PLXNA4: variants seen among roughly 807,000 people sequenced by gnomAD.
PLXNA4 encodes plexin-A4.
Under a neutral mutation model 191.8 loss-of-function variants are expected in PLXNA4, and 44 were observed. That is an observed-to-expected ratio of 0.23 (90% confidence interval 0.18 to 0.29). PLXNA4 has a LOEUF of 0.29. Ranked by LOEUF, PLXNA4 falls within the 10% of genes least tolerant of loss-of-function variation. PLXNA4 has a pLI of 1.00. For synonymous variants in PLXNA4, 1,082 were observed against 1,009.5 expected, an observed-to-expected ratio of 1.07 and a Z score of -1.36; for missense variants, 1,800 against 2,488.8, an observed-to-expected ratio of 0.72 and a Z score of 5.89.
chr7:132,205,827 A>G (rs1797598607), intron 10 of PLXNA4, among the ~76,000 whole-genome samples: 1 of 152,176 alleles, frequency 6.6e-6, no homozygotes, highest in African/African-American at 2.4e-5. Context: ...CCAAGACACA[A>G]AGTAGAAGCA....
At chr7:132,530,456 T>C (rs114770870) in intron 1 of PLXNA4, among the ~76,000 whole-genome samples, 5,208 of 152,252 alleles carry the variant, frequency 0.034, 231 homozygotes, top group African/African-American at 0.1. Flanking sequence ...CTTAAAGAGA[T>C]GTTTCTCCAA....
At chr7:132,469,002 G>A (rs1316267475) in intron 3 of PLXNA4, among the ~76,000 whole-genome samples, 1 of 151,170 alleles carries the variant, frequency 6.6e-6, no homozygotes, top group Admixed American at 6.6e-5. Flanking sequence ...GACCTGAGAT[G>A]TTAGTACCAA....
At chr7:132,491,684 T>TA (rs1280695965) in intron 2 of PLXNA4, among the ~76,000 whole-genome samples, 2 of 151,402 alleles carry the variant, frequency 1.3e-5, no homozygotes, top group African/African-American at 4.9e-5. Flanking sequence ...CTCATGCCTG[T>TA]AATCCCGCCA....
At chr7:132,563,691 C>CCT (rs1801509056) in intron 1 of PLXNA4, among the ~76,000 whole-genome samples, 1 of 120,626 alleles carries the variant, frequency 8.3e-6, no homozygotes, top group Non-Finnish European at 1.8e-5. Context: ...TCCTCCTCCT[C>CCT]CTCCTTCTCC....
intron 14 of PLXNA4, among the ~76,000 whole-genome samples, chr7:132,188,536 A>T (rs1056881444): frequency 1.3e-5 from 2 of 152,094 alleles, no homozygotes; most frequent in African/African-American, 4.8e-5. Flanking sequence ...GAGCTTCCCT[A>T]TCACCTGGCA....
In PLXNA4 at chr7:132,164,210, T is replaced by C; in HGVS notation, c.4432A>G (p.Thr1478Ala). Residue 1478 changes from threonine (T) to alanine (A), a missense_variant, in exon 24 of 32, where the codon ACG becomes GCG. Thr to Ala is a moderately conservative substitution (Grantham distance 58, BLOSUM62 0). Coordinates refer to ENST00000321063, the MANE Select transcript of PLXNA4 (RefSeq NM_020911.2). ...QMEKGPIDAI[T>A]GEARYSLSED... Reference sequence around the variant, plus strand: ...CTCAAGGAGTAGCGGGCCTCGCCCGTGATGGCGTCAATGGGGCCCTTCTCC... The same window carrying C: ...CTCAAGGAGTAGCGGGCCTCGCCCGCGATGGCGTCAATGGGGCCCTTCTCC... The C allele has an allele frequency of 6.2e-7, 1 of 1,614,210 alleles. No homozygotes were observed. Among genetic ancestry groups the C allele is most frequent in the East Asian group, 2.2e-5 (1 of 44,876 alleles).
intron 1 of PLXNA4, among the ~76,000 whole-genome samples, chr7:132,550,774 G>A (rs1285546609): frequency 1.4e-5 from 2 of 140,158 alleles, no homozygotes; most frequent in Non-Finnish European, 3.1e-5. Context: ...GGGCTGCAAT[G>A]ACCACATCTG....
chr7:132,485,363 G>C (rs149775037), intron 3 of PLXNA4, among the ~76,000 whole-genome samples: 1 of 152,308 alleles, frequency 6.6e-6, no homozygotes, highest in East Asian at 1.9e-4. Flanking sequence ...CACACCTCAA[G>C]TGGAAGTTTA....
chr7:132,296,761 G>A (rs910260894), intron 4 of PLXNA4, among the ~76,000 whole-genome samples: 1 of 152,064 alleles, frequency 6.6e-6, no homozygotes, highest in African/African-American at 2.4e-5. Flanking sequence ...GGCTTGGAGT[G>A]GGGAGTGTGG....
At chr7:132,430,766 A>G (rs1795228788) in intron 3 of PLXNA4, among the ~76,000 whole-genome samples, 1 of 152,200 alleles carries the variant, frequency 6.6e-6, no homozygotes, top group African/African-American at 2.4e-5. Flanking sequence ...GGTAGGAGGC[A>G]TTGAATCTTC....
At chr7:132,458,289 C>T (rs1421238728) in intron 3 of PLXNA4, among the ~76,000 whole-genome samples, 3 of 151,740 alleles carry the variant, frequency 2.0e-5, no homozygotes, top group Non-Finnish European at 4.4e-5. Context: ...CATGCCATGA[C>T]CTAGCAATTT....
In PLXNA4 at chr7:132,405,705, C is replaced by A. The variant is rs138607753; in HGVS notation, c.1371+83587G>T. Among the ~76,000 whole-genome samples, 1,180 of 152,306 alleles carry A rather than the reference C, an allele frequency of 7.7e-3. 16 individuals carry two copies. The highest frequency in any genetic ancestry group is 8.7e-3 in the Non-Finnish European group (589 of 68,020). On this transcript the variant is annotated intron_variant, in intron 3 of 31. Transcript: ENST00000321063. The stretch of plus-strand genomic sequence containing the variant: ...GTATTTCTGGTTTTCACTACACATA[C>A]CCATGTGGCACAAAACATACATTGT...
intron 23 of PLXNA4, among the ~76,000 whole-genome samples, chr7:132,164,597 C>T (rs2116648954): frequency 6.6e-6 from 1 of 152,188 alleles, no homozygotes; most frequent in South Asian, 2.1e-4. Context: ...TCTGCTCTCC[C>T]TCCCCACCTC....
chr7:132,283,326 A>C (rs1416754297), intron 4 of PLXNA4, among the ~76,000 whole-genome samples: 1 of 152,214 alleles, frequency 6.6e-6, no homozygotes, highest in Non-Finnish European at 1.5e-5. Context: ...TTTTAATAAT[A>C]GTAATAAAAT....
At chr7:132,604,974 G>A (rs540227275) in intron 2 of PLXNA4, among the ~76,000 whole-genome samples, 2 of 152,266 alleles carry the variant, frequency 1.3e-5, no homozygotes, top group Middle Eastern at 3.4e-3. Context: ...TCCTAGCAGT[G>A]CACACCAGCC....
chr7:132,217,531 C>T (rs972954374), intron 9 of PLXNA4, among the ~76,000 whole-genome samples: 4 of 152,138 alleles, frequency 2.6e-5, no homozygotes, highest in Admixed American at 1.3e-4. Context: ...TTGCAGGTCA[C>T]CTCTCCTCTG....
At chr7:132,453,569 C>A (rs1414831921) in intron 3 of PLXNA4, among the ~76,000 whole-genome samples, 1 of 150,848 alleles carries the variant, frequency 6.6e-6, no homozygotes, top group Non-Finnish European at 1.5e-5. Context: ...TTCTTCCAGA[C>A]AGTCTCAGTG....
At chr7:132,333,484 T>C (rs1802680649) in intron 3 of PLXNA4, among the ~76,000 whole-genome samples, 1 of 151,964 alleles carries the variant, frequency 6.6e-6, no homozygotes, top group Non-Finnish European at 1.5e-5. Context: ...AGGGGAGGTG[T>C]GATGGGAGGC....
At chr7:132,232,100 A>G (rs1425820493) in intron 5 of PLXNA4, among the ~76,000 whole-genome samples, 1 of 152,192 alleles carries the variant, frequency 6.6e-6, no homozygotes, top group African/African-American at 2.4e-5. Context: ...GGGTCTGTCA[A>G]GGGAATGGTC....
Sources: allele counts gnomAD v4.1 joint callset (sites outside exome capture counted in the v4.1 genomes callset), GRCh38; gene constraint gnomAD v4.1.1; transcripts MANE v1.5; gene names NCBI Gene and HGNC (gene_info 2026-07-23, HGNC 2026-07-21).